QPRT: variants seen among roughly 807,000 people sequenced by gnomAD.
QPRT encodes quinolinate phosphoribosyltransferase.
A neutral mutation model predicts 19.8 loss-of-function variants in QPRT; 17 were observed. The ratio of observed to expected loss-of-function variants is 0.86; its 90% CI spans 0.59 to 1.29. The LOEUF (loss-of-function observed/expected upper bound fraction) is 1.29. Ranked by LOEUF, QPRT falls within the 50% of genes most tolerant of loss-of-function variation. The probability of loss-of-function intolerance (pLI) is 0.00; values close to 1 mark genes in which losing one functional copy is unlikely to be tolerated. For synonymous variants in QPRT, 178 were observed against 191.0 expected (o/e 0.93, Z 0.56); for missense variants, 336 against 405.1 (o/e 0.83, Z 1.46).
chr16:29,686,359 C>T (rs1301050860), intron 1 of QPRT, among the ~76,000 whole-genome samples: 2 of 152,212 alleles, frequency 1.3e-5, no homozygotes, highest in African/African-American at 2.4e-5. Flanking sequence ...CTCTGCCTGG[C>T]AAACATCACT....
In QPRT at chr16:29,694,797, A is replaced by G; in HGVS notation, c.147A>G (p.Lys49=). Residue 49 remains lysine, a synonymous_variant, in exon 2 of 4, where the codon AAA becomes AAG. Transcript: ENST00000395384. ...AGPSQAALWA[K]SPGVLAGQPF... ...CCTCGCAGGCGGCGCTGTGGGCCAA[A>G]TCCCCTGGGGTACTGGCAGGGCAGC... is the stretch of plus-strand genomic sequence containing the variant. The G allele has an allele frequency of 6.2e-6, 10 of 1,614,002 alleles. No homozygotes were observed. Among genetic ancestry groups the G allele is most frequent in the Non-Finnish European group, 8.5e-6 (10 of 1,179,926 alleles).
chr16:29,692,375 T>C (rs1010216020), intron 1 of QPRT, among the ~76,000 whole-genome samples: 1 of 151,612 alleles, frequency 6.6e-6, no homozygotes, highest in Admixed American at 6.6e-5. Context: ...AGTCAGGAGA[T>C]TGAGACCATC....
At chr16:29,686,694 C>T (rs1030813198) in intron 1 of QPRT, among the ~76,000 whole-genome samples, 3 of 151,864 alleles carry the variant, frequency 2.0e-5, no homozygotes, top group East Asian at 1.9e-4. Flanking sequence ...TTAGTAGAGA[C>T]GGGGTTTCAC....
At chr16:29,679,521 G>A (rs1966928190) in intron 1 of QPRT, among the ~76,000 whole-genome samples, 1 of 152,084 alleles carries the variant, frequency 6.6e-6, no homozygotes, top group South Asian at 2.1e-4. Flanking sequence ...GCCGGAAGTG[G>A]GAGGCTGGTT....
chr16:29,695,462 C>G (rs1175243126), intron 2 of QPRT, among the ~76,000 whole-genome samples: 1 of 151,538 alleles, frequency 6.6e-6, no homozygotes, highest in Non-Finnish European at 1.5e-5. Flanking sequence ...CAGGCATGCT[C>G]CACCCCACTG....
intron 2 of QPRT, chr16:29,696,768 G>A (rs1967548165): frequency 8.0e-6 from 4 of 498,966 alleles, no homozygotes; most frequent in Non-Finnish European, 1.4e-5. Context: ...GCGACAGGTT[G>A]AGACCCTGTC....
At position 29,694,877 on chromosome 16, in the gene QPRT, C is replaced by T; in HGVS notation, c.227C>T (p.Pro76Leu). 1 of 1,614,104 alleles carries T rather than the reference C, an allele frequency of 6.2e-7. No homozygotes were observed. Among genetic ancestry groups the T allele is most frequent in the Non-Finnish European group, 8.5e-7 (1 of 1,179,946 alleles). ...QLNCQVSWFL[P>L]EGSKLVPVAR... is the part of the protein sequence containing the mutation. ...AACTGCCAAGTCTCCTGGTTCCTCC[C>T]CGAGGGATCGAAGCTGGTGCCGGTG... Residue 76 changes from proline (P) to leucine (L), a missense_variant, in exon 2 of 4, where the codon CCC becomes CTC. Transcript: ENST00000395384.
At position 29,697,458 on chromosome 16, in the gene QPRT, C is replaced by T; in HGVS notation, c.*47C>T. The stretch of plus-strand genomic sequence containing the variant: ...CACCGGCCATGGGTTAACGTGGCTC[C>T]TCAGGACCCTCTGGGTCACACATCT... On this transcript the variant is annotated 3_prime_UTR_variant, in exon 4 of 4. Transcript: ENST00000395384. This position sits in a 1 kb window ranked among gnomAD's most constrained non-coding sequence, Gnocchi z 4.4. 2 of 1,549,574 alleles carry T rather than the reference C, an allele frequency of 1.3e-6. No individual in the cohort carries two copies. Among genetic ancestry groups the T allele is most frequent in the African/African-American group, 2.7e-5 (2 of 73,890 alleles).
intron 1 of QPRT, among the ~76,000 whole-genome samples, chr16:29,680,490 G>C (rs1434774264): frequency 6.6e-6 from 1 of 152,160 alleles, no homozygotes; most frequent in Non-Finnish European, 1.5e-5. Context: ...AGGGGTGGCT[G>C]ACTAAACTGG....
In QPRT at chr16:29,695,050, G is replaced by A. The variant is rs114534146; in HGVS notation, c.400G>A (p.Val134Met). ...AARGAGWTGHVAGTRKTTPGF... is the reference protein window; with the variant it reads ...AARGAGWTGHMAGTRKTTPGF... ...CAGGGGGGCCGGCTGGACTGGGCAC[G>A]TGGCAGGCACGAGGAAGACCACGCC... The change falls in exon 2 of 4, where the codon GTG (valine) becomes ATG (methionine). Residue 134 changes from valine to methionine, a missense_variant. Physicochemically the swap from Val to Met is conservative, Grantham distance 21. Coordinates refer to ENST00000395384, the MANE Select transcript of QPRT (RefSeq NM_014298.6). 13 of 1,605,624 alleles carry A rather than the reference G, an allele frequency of 8.1e-6. No homozygotes were observed. The highest frequency in any genetic ancestry group is 8.0e-5 in the African/African-American group (6 of 75,052).
intron 1 of QPRT, among the ~76,000 whole-genome samples, chr16:29,686,162 TA>T (rs1192660412): frequency 6.6e-6 from 1 of 152,114 alleles, no homozygotes; most frequent in Non-Finnish European, 1.5e-5. Context: ...GTCCGGCCAA[TA>T]AAATGAAATT....
intron 1 of QPRT, among the ~76,000 whole-genome samples, chr16:29,685,775 G>A (rs904761143): frequency 3.9e-5 from 6 of 152,116 alleles, no homozygotes; most frequent in African/African-American, 1.4e-4. Flanking sequence ...CGAGGTGGGA[G>A]GACTGCTTGA....
Position 29,697,307 on chromosome 16 carries a change from A to G in QPRT, c.790A>G (p.Ile264Val), listed in dbSNP as rs1479650898. The G allele has an allele frequency of 6.2e-7, 1 of 1,614,168 alleles. No individual in the cohort carries two copies. The highest frequency in any genetic ancestry group is 8.5e-7 in the Non-Finnish European group (1 of 1,180,008). ...DNLPQFCGPH[I>V]DVISMGMLTQ... ...CCTCCCCCAGTTCTGCGGGCCGCAC[A>G]TAGACGTCATCTCCATGGGGATGCT... Residue 264 changes from isoleucine to valine, a missense_variant, in exon 4 of 4, where the codon ATA (isoleucine) becomes GTA (valine). Physicochemically the swap from Ile to Val is conservative, Grantham distance 29. Coordinates refer to ENST00000395384, the MANE Select transcript of QPRT (RefSeq NM_014298.6). The surrounding 1 kb of genome is among the most constrained non-coding windows in gnomAD (Gnocchi z 4.4).
rs972487163 is a variant in QPRT, at chr16:29,695,097, G to A, written c.447G>A (p.Lys149=). 32 of 1,604,166 alleles carry A rather than the reference G, an allele frequency of 2.0e-5. No homozygotes were observed. The highest frequency in any genetic ancestry group is 2.6e-5 in the Non-Finnish European group (31 of 1,177,046). ...KTTPGFRLVE[K]YGLLVGGAAS... is the part of the protein sequence containing the mutation. ...CGCCAGGCTTCCGGCTGGTGGAGAA[G>A]TATGGGCTCCTGGTGGGCGGGGCCG... is the stretch of plus-strand genomic sequence containing the variant. The change falls in exon 2 of 4, where the codon AAG becomes AAA. Residue 149 remains lysine, a synonymous_variant. Coordinates refer to ENST00000395384, the MANE Select transcript of QPRT (RefSeq NM_014298.6).
chr16:29,687,710 G>C (rs1025651509), intron 1 of QPRT, among the ~76,000 whole-genome samples: 31 of 151,966 alleles, frequency 2.0e-4, no homozygotes, highest in African/African-American at 6.8e-4. Context: ...AAAGCTCGGG[G>C]GTCCATCCCT....
intron 1 of QPRT, among the ~76,000 whole-genome samples, chr16:29,682,329 G>A (rs1177861053): frequency 2.0e-5 from 3 of 151,542 alleles, no homozygotes; most frequent in Non-Finnish European, 2.9e-5. Flanking sequence ...ATGAGCCACC[G>A]TGCCTGGCTC....
intron 1 of QPRT, among the ~76,000 whole-genome samples, chr16:29,681,309 A>G (rs1002020583): frequency 1.3e-5 from 2 of 151,922 alleles, no homozygotes; most frequent in African/African-American, 4.8e-5. Context: ...TAAATACCTT[A>G]GCAGATGTCA....
At chr16:29,694,210 C>T (rs948494684) in intron 1 of QPRT, among the ~76,000 whole-genome samples, 1 of 151,654 alleles carries the variant, frequency 6.6e-6, no homozygotes, top group African/African-American at 2.4e-5. Flanking sequence ...GCTCCACCTC[C>T]CAGGTTCACG....
Position 29,680,434 on chromosome 16 carries a change from G to T in QPRT, c.13+1224G>T, listed in dbSNP as rs553362730. On this transcript the variant is annotated intron_variant, in intron 1 of 3. Coordinates refer to ENST00000395384, the MANE Select transcript of QPRT (RefSeq NM_014298.6). ...GGGGACACAATGGCAATAAGGAGGT[G>T]ATTCTCCTCAGAGGCCCCCTATGGT... Among the ~76,000 whole-genome samples, 14 of 152,214 alleles carry T rather than the reference G, an allele frequency of 9.2e-5. No individual in the cohort carries two copies. In the South Asian group the frequency reaches 2.9e-3, roughly 32 times the overall value.
Sources: gnomAD v4.1 joint callset for allele counts (sites outside exome capture counted in the v4.1 genomes callset) on GRCh38, gnomAD v4.1.1 for gene constraint, Gnocchi (gnomAD v3.1) non-coding constraint, MANE v1.5 for transcripts, NCBI Gene and HGNC (gene_info 2026-07-23, HGNC 2026-07-21) for gene names.